KCNH1: variants seen among roughly 807,000 people sequenced by gnomAD.
KCNH1 encodes the protein potassium voltage-gated channel subfamily H member 1.
Under a neutral mutation model 69.2 loss-of-function variants are expected in KCNH1, and 27 were observed. The ratio of observed to expected loss-of-function variants is 0.39; its 90% CI spans 0.29 to 0.54. The LOEUF (loss-of-function observed/expected upper bound fraction) is 0.54. KCNH1 is among the 20% of genes least tolerant of loss of function. The pLI is 0.68. For synonymous variants in KCNH1, 456 were observed against 487.7 expected, an observed-to-expected ratio of 0.93 and a Z score of 0.86; for missense variants, 798 against 1,261.6, an observed-to-expected ratio of 0.63 and a Z score of 5.57.
At chr1:210,809,369 T>C (rs1684651513) in intron 7 of KCNH1, among the ~76,000 whole-genome samples, 1 of 152,090 alleles carries the variant, frequency 6.6e-6, no homozygotes, top group Non-Finnish European at 1.5e-5. Context: ...CAGGGGGCTG[T>C]TCTGACAGGC....
intron 7 of KCNH1, among the ~76,000 whole-genome samples, chr1:210,846,685 C>A (rs898744899): frequency 1.3e-5 from 2 of 152,146 alleles, no homozygotes; most frequent in South Asian, 2.1e-4. Context: ...GACTTCATGT[C>A]TAAAACACCA....
chr1:210,803,437 G>A (rs1684469095), intron 8 of KCNH1, among the ~76,000 whole-genome samples: 1 of 152,230 alleles, frequency 6.6e-6, no homozygotes, highest in African/African-American at 2.4e-5. Context: ...TCAAGATGAG[G>A]TTGAGATGAG....
intron 6 of KCNH1, among the ~76,000 whole-genome samples, chr1:210,995,589 T>C (rs779109470): frequency 2.0e-5 from 3 of 152,222 alleles, no homozygotes; most frequent in Non-Finnish European, 4.4e-5. Flanking sequence ...GGTCCATTTA[T>C]CATATACTAC....
At chr1:210,795,102 C>T (rs1684281740) in intron 9 of KCNH1, among the ~76,000 whole-genome samples, 1 of 151,212 alleles carries the variant, frequency 6.6e-6, no homozygotes, top group African/African-American at 2.4e-5. Context: ...CCTCCATTCC[C>T]CACCCAATTT....
intron 6 of KCNH1, among the ~76,000 whole-genome samples, chr1:210,995,494 C>T (rs1342106710): frequency 6.6e-6 from 1 of 152,196 alleles, no homozygotes; most frequent in African/African-American, 2.4e-5. Flanking sequence ...AGTACACACA[C>T]AACTCTTAAT....
At chr1:210,975,763 A>G (rs2102371973) in intron 6 of KCNH1, among the ~76,000 whole-genome samples, 1 of 152,302 alleles carries the variant, frequency 6.6e-6, no homozygotes, top group African/African-American at 2.4e-5. Context: ...ATCTAATTAA[A>G]CTAAAGAGCT....
intron 10 of KCNH1, among the ~76,000 whole-genome samples, chr1:210,751,288 C>G (rs1308325391): frequency 6.6e-6 from 1 of 152,144 alleles, no homozygotes; most frequent in East Asian, 1.9e-4. Flanking sequence ...ATTGATGAGG[C>G]TGCATTTGAC....
At chr1:211,014,516 T>C (rs1297911500) in intron 6 of KCNH1, among the ~76,000 whole-genome samples, 1 of 152,214 alleles carries the variant, frequency 6.6e-6, no homozygotes, top group Non-Finnish European at 1.5e-5. Flanking sequence ...ATCATGGAGA[T>C]GGGCTATATC....
chr1:211,107,101 A>G (rs1345532457), intron 2 of KCNH1, among the ~76,000 whole-genome samples, 153 bp downstream of exon 2: 1 of 152,140 alleles, frequency 6.6e-6, no homozygotes, highest in Non-Finnish European at 1.5e-5. Flanking sequence ...TTTTCCCTGT[A>G]CAGTACATGA....
intron 10 of KCNH1, among the ~76,000 whole-genome samples, chr1:210,751,660 G>C (rs985864549): frequency 6.6e-6 from 1 of 152,052 alleles, no homozygotes; most frequent in African/African-American, 2.4e-5. Flanking sequence ...GGAGAAGAGG[G>C]GGGCTGAAAA....
At chr1:210,864,991 G>T (rs1110266) in intron 7 of KCNH1, among the ~76,000 whole-genome samples, 4,259 of 152,292 alleles carry the variant, frequency 0.028, 96 homozygotes, top group Middle Eastern at 0.065. Context: ...AAGAGCAGGT[G>T]TCCCAAACAA....
At chr1:210,796,053 G>A (rs542989680) in intron 9 of KCNH1, among the ~76,000 whole-genome samples, 2 of 151,348 alleles carry the variant, frequency 1.3e-5, no homozygotes, top group African/African-American at 2.4e-5. Flanking sequence ...TACTCGGGAG[G>A]CTGAGGCAGG....
At chr1:211,097,575 C>A (rs1168360341) in intron 3 of KCNH1, among the ~76,000 whole-genome samples, 1 of 152,230 alleles carries the variant, frequency 6.6e-6, no homozygotes, top group African/African-American at 2.4e-5. Flanking sequence ...ATAACCCATT[C>A]AGCAAATAAG....
Position 211,066,233 on chromosome 1 carries a change from T to A in KCNH1, c.558+16547A>T, listed in dbSNP as rs371772128. On this transcript the variant is annotated intron_variant, in intron 5 of 10. Transcript: ENST00000271751. ...CCTGATTTCTGAAAATTGAGAAAGC[T>A]TCTAGAAAGTGATATAAAGAGCCAA... Among the ~76,000 whole-genome samples, 8 of 152,258 alleles carry A rather than the reference T, an allele frequency of 5.3e-5. No homozygotes were observed. The East Asian group carries it at 1.3e-3, about 26-fold the overall frequency.
intron 10 of KCNH1, among the ~76,000 whole-genome samples, chr1:210,711,581 C>T (rs2149017531): frequency 6.6e-6 from 1 of 152,324 alleles, no homozygotes; most frequent in East Asian, 1.9e-4. Context: ...GCTCTTACTT[C>T]CTTCAGGTCC....
chr1:211,094,798 G>A (rs932510930), intron 3 of KCNH1, among the ~76,000 whole-genome samples: 7 of 152,168 alleles, frequency 4.6e-5, no homozygotes, highest in South Asian at 2.1e-4. Flanking sequence ...TTAAATTTTC[G>A]TTTCTGGAAT....
intron 7 of KCNH1, among the ~76,000 whole-genome samples, chr1:210,850,430 G>A (rs1345681720): frequency 2.0e-5 from 3 of 152,180 alleles, no homozygotes; most frequent in African/African-American, 7.2e-5. Context: ...AGAATCGCTT[G>A]AATCCGGGAG....
chr1:210,731,789 C>A (rs1010277633), intron 10 of KCNH1, among the ~76,000 whole-genome samples: 1 of 152,140 alleles, frequency 6.6e-6, no homozygotes, highest in Admixed American at 6.5e-5. Flanking sequence ...CAAACCATTA[C>A]CTGAATAAAC....
chr1:210,843,775 C>G (rs1284817893), intron 7 of KCNH1, among the ~76,000 whole-genome samples: 1 of 152,178 alleles, frequency 6.6e-6, no homozygotes, highest in East Asian at 1.9e-4. Flanking sequence ...TGTAGAAACA[C>G]AGCTATCAGC....
Sources: allele counts gnomAD v4.1 joint callset (sites outside exome capture counted in the v4.1 genomes callset), GRCh38; gene constraint gnomAD v4.1.1; transcripts MANE v1.5; gene names NCBI Gene and HGNC (gene_info 2026-07-23, HGNC 2026-07-21).